The following WDFY3 variants were observed in gnomAD, a reference collection of about 807,000 sequenced individuals.
The protein encoded by WDFY3 is WD repeat and FYVE domain containing 3.
WDFY3 carries 66 observed loss-of-function variants against 409.6 expected under a neutral mutation model. That is an observed-to-expected ratio of 0.16 (90% CI 0.13 to 0.20). The LOEUF is 0.20. Ranked by LOEUF, WDFY3 falls within the 10% of genes least tolerant of loss-of-function variation. The pLI is 1.00. For synonymous variants in WDFY3, 1,521 were observed against 1,537.1 expected, an observed-to-expected ratio of 0.99 and a Z score of 0.25; for missense variants, 3,031 against 4,298.1, an observed-to-expected ratio of 0.71 and a Z score of 8.24.
chr4:84,716,522 C>T (rs895407338), intron 49 of WDFY3, among the ~76,000 whole-genome samples: 3 of 150,468 alleles, frequency 2.0e-5, no homozygotes, highest in East Asian at 4.0e-4. Flanking sequence ...TTCGGCCGGG[C>T]GCGGTGGCTC....
intron 25 of WDFY3, among the ~76,000 whole-genome samples, chr4:84,782,470 T>C (rs953053802): frequency 6.6e-6 from 1 of 152,178 alleles, no homozygotes; most frequent in Non-Finnish European, 1.5e-5. Flanking sequence ...GCTGCACCTA[T>C]AAACCTGTCA....
chr4:84,766,053 A>C, intron 31 of WDFY3, 26 bp from the exon 32 acceptor site: 1 of 1,583,212 alleles, frequency 6.3e-7, no homozygotes. Flanking sequence ...GGATTTAAAA[A>C]ACAAAAAACA....
chr4:84,955,455 G>T (rs1774126373), intron 1 of WDFY3, among the ~76,000 whole-genome samples: 1 of 152,138 alleles, frequency 6.6e-6, no homozygotes, highest in Admixed American at 6.5e-5. Flanking sequence ...ATAAGGCACA[G>T]ATCTGAATTT....
At chr4:84,682,577 T>C in intron 63 of WDFY3, 107 bp from the exon 64 acceptor site, 1 of 888,618 alleles carries the variant, frequency 1.1e-6, no homozygotes, top group East Asian at 2.7e-5. Flanking sequence ...TAACTTAATT[T>C]CCATCATGTT....
chr4:84,679,841 T>TATATATATATATATATACACACAC (rs1235574031), intron 64 of WDFY3, among the ~76,000 whole-genome samples: 5 of 141,312 alleles, frequency 3.5e-5, no homozygotes, highest in African/African-American at 1.3e-4. Context: ...TATATATATA[T>TATATATATATATATATACACACAC]ACACACACAC....
intron 1 of WDFY3, among the ~76,000 whole-genome samples, chr4:84,942,658 C>A (rs1225195059): frequency 6.6e-6 from 1 of 152,198 alleles, no homozygotes; most frequent in Non-Finnish European, 1.5e-5. Context: ...TGCTGCATAT[C>A]CTTACCAAAC....
At chr4:84,925,748 C>T (rs1769892436) in intron 2 of WDFY3, among the ~76,000 whole-genome samples, 2 of 151,936 alleles carry the variant, frequency 1.3e-5, no homozygotes, top group African/African-American at 2.4e-5. Flanking sequence ...CTAGGAGATG[C>T]ATATTAAAGT....
At chr4:84,708,835 C>T (rs1224629913) in intron 53 of WDFY3, 74 bp downstream of exon 53, 1 of 1,535,708 alleles carries the variant, frequency 6.5e-7, no homozygotes, top group Non-Finnish European at 8.9e-7. Flanking sequence ...GCCACTGCAC[C>T]CCACTTCAAT....
Position 84,820,134 on chromosome 4 carries a change from C to T in WDFY3, c.1644G>A (p.Leu548=). Residue 548 remains leucine, a synonymous_variant, in exon 12 of 68, where the codon TTG becomes TTA. Transcript: ENST00000295888. ...SVEDQKHLAL[L]VMETLTVLLQ... is the part of the protein sequence containing the mutation. Reference sequence around the variant, plus strand: ...GAAGCACTGTCAAGGTCTCCATAACCAATAAAGCCAGGTGTTTTTGGTCTT... The same window carrying T: ...GAAGCACTGTCAAGGTCTCCATAACTAATAAAGCCAGGTGTTTTTGGTCTT... The T allele has an allele frequency of 6.2e-7, 1 of 1,607,970 alleles. No individual in the cohort carries two copies.
At chr4:84,765,136 G>A (rs528398082) in intron 32 of WDFY3, among the ~76,000 whole-genome samples, 1 of 152,172 alleles carries the variant, frequency 6.6e-6, no homozygotes, top group African/African-American at 2.4e-5. Flanking sequence ...GAATGACTTT[G>A]CCTTTAAATA....
At chr4:84,771,356 T>G (rs1315616983) in intron 30 of WDFY3, among the ~76,000 whole-genome samples, 1 of 152,214 alleles carries the variant, frequency 6.6e-6, no homozygotes, top group African/African-American at 2.4e-5. Context: ...CAGTCTGGTC[T>G]TGAATTCCTG....
intron 13 of WDFY3, among the ~76,000 whole-genome samples, chr4:84,816,332 C>G (rs1994227): frequency 6.6e-6 from 1 of 151,938 alleles, no homozygotes; most frequent in African/African-American, 2.4e-5. Flanking sequence ...AGCAGATAAG[C>G]TGAAAGCACA....
At chr4:84,815,962 T>C (rs1340008956) in intron 13 of WDFY3, among the ~76,000 whole-genome samples, 1 of 152,172 alleles carries the variant, frequency 6.6e-6, no homozygotes, top group African/African-American at 2.4e-5. Context: ...CGATAGTTCA[T>C]AAATTGTGAT....
intron 21 of WDFY3, among the ~76,000 whole-genome samples, chr4:84,792,864 T>C (rs946937699): frequency 2.0e-5 from 3 of 152,230 alleles, no homozygotes; most frequent in Non-Finnish European, 2.9e-5. Context: ...CATTTATAAG[T>C]TTACATAATA....
intron 32 of WDFY3, among the ~76,000 whole-genome samples, chr4:84,761,276 T>C (rs1303384115): frequency 6.6e-6 from 1 of 152,200 alleles, no homozygotes; most frequent in Admixed American, 6.5e-5. Context: ...AAAAAATGTA[T>C]ATTCTGTTGA....
chr4:84,765,707 C>T, intron 32 of WDFY3, 103 bp downstream of exon 32: 1 of 919,442 alleles, frequency 1.1e-6, no homozygotes, highest in East Asian at 2.6e-5. Context: ...ATTAATATCT[C>T]CTTAATGGTG....
intron 2 of WDFY3, among the ~76,000 whole-genome samples, chr4:84,912,681 A>C (rs985238910): frequency 6.6e-6 from 1 of 152,192 alleles, no homozygotes; most frequent in African/African-American, 2.4e-5. Flanking sequence ...GACATTAAAA[A>C]AAATCACTGA....
At chr4:84,767,089 C>T (rs1015533450) in intron 30 of WDFY3, among the ~76,000 whole-genome samples, 3 of 152,142 alleles carry the variant, frequency 2.0e-5, no homozygotes, top group African/African-American at 7.2e-5. Context: ...GGCAACCACA[C>T]ATACAGCAAG....
intron 4 of WDFY3, among the ~76,000 whole-genome samples, chr4:84,858,345 C>T (rs1468899617): frequency 6.6e-6 from 1 of 152,018 alleles, no homozygotes; most frequent in Non-Finnish European, 1.5e-5. Context: ...GATACCACCA[C>T]AAATCAAAGA....
Sources: gnomAD v4.1 joint callset for allele counts (sites outside exome capture counted in the v4.1 genomes callset) on GRCh38, gnomAD v4.1.1 for gene constraint, MANE v1.5 for transcripts, NCBI Gene and HGNC (gene_info 2026-07-23, HGNC 2026-07-21) for gene names.